Variants in RFFL observed in about 807,000 individuals in gnomAD.
The protein encoded by RFFL is E3 ubiquitin-protein ligase rififylin.
In RFFL, 16 loss-of-function variants were observed where a neutral mutation model predicts 40.4. The ratio of observed to expected loss-of-function variants is 0.40; its 90% CI spans 0.27 to 0.60. RFFL has a LOEUF of 0.60. Ranked by LOEUF, RFFL falls within the 20% of genes least tolerant of loss-of-function variation. RFFL has a pLI of 0.47. For missense variants in RFFL, 367 were observed against 451.7 expected (o/e 0.81, Z 1.70); for synonymous variants, 154 against 167.9 (o/e 0.92, Z 0.64).
chr17:35,029,502 C>G (rs976899932), intron 1 of RFFL, among the ~76,000 whole-genome samples: 2 of 148,732 alleles, frequency 1.3e-5, no homozygotes, highest in African/African-American at 5.0e-5. Flanking sequence ...TGTCATCATG[C>G]CCAGCTAATT....
At chr17:35,055,010 C>T (rs2091252199) in intron 1 of RFFL, among the ~76,000 whole-genome samples, 1 of 151,838 alleles carries the variant, frequency 6.6e-6, no homozygotes, top group South Asian at 2.1e-4. Context: ...CTCCACCTCC[C>T]GGGTTCACGC....
chr17:35,038,654 A>G (rs192986881), intron 1 of RFFL, among the ~76,000 whole-genome samples: 4 of 152,378 alleles, frequency 2.6e-5, no homozygotes, highest in Admixed American at 2.6e-4. Flanking sequence ...CAGGAGGCAT[A>G]AATGAATACA....
At position 35,010,911 on chromosome 17, in the gene RFFL, C is replaced by T. The variant is rs1349737636; in HGVS notation, c.*1057G>A. 6.6e-6 allele frequency: 1 copy of T among 152,214 alleles called. No individual in the cohort carries two copies. Among genetic ancestry groups the T allele is most frequent in the East Asian group, 1.9e-4 (1 of 5,200 alleles). The allele number at this position is 152,214 out of a possible 1,614,324, so 9.4% of individuals were successfully genotyped here. A position where few individuals can be genotyped will look rare whatever the true frequency, so the allele number is the denominator to read the frequency against. ...TCTCATTCAGTACCTCCTGAAAGCT[C>T]TTAAGTGCTCTGTCTTAACATTTGC... On this transcript the variant is annotated 3_prime_UTR_variant, in exon 7 of 7. Coordinates refer to ENST00000394597, the MANE Select transcript of RFFL (RefSeq NM_001017368.2).
At chr17:35,081,441 T>C (rs965570973) in intron 1 of RFFL, among the ~76,000 whole-genome samples, 1 of 152,232 alleles carries the variant, frequency 6.6e-6, no homozygotes, top group Non-Finnish European at 1.5e-5. Context: ...GATTTGGGAA[T>C]TGTTCATTCT....
chr17:35,046,263 T>C (rs1363058974), intron 1 of RFFL, among the ~76,000 whole-genome samples: 1 of 152,206 alleles, frequency 6.6e-6, no homozygotes, highest in Non-Finnish European at 1.5e-5. Context: ...GTCACTTCCA[T>C]CTCTTCCTAA....
chr17:35,030,460 T>G (rs888203621), intron 1 of RFFL, among the ~76,000 whole-genome samples: 6 of 151,930 alleles, frequency 3.9e-5, no homozygotes, highest in East Asian at 1.9e-4. Flanking sequence ...GAGCATTTTT[T>G]TGTGTGTGTT....
At chr17:35,061,991 G>A (rs545984868) in intron 1 of RFFL, among the ~76,000 whole-genome samples, 83 of 151,796 alleles carry the variant, frequency 5.5e-4, no homozygotes, top group Non-Finnish European at 9.4e-4. Flanking sequence ...GACTTTAAAC[G>A]TCCAGTTTTG....
chr17:35,081,147 A>T (rs1400849409), intron 1 of RFFL, among the ~76,000 whole-genome samples: 2 of 152,216 alleles, frequency 1.3e-5, no homozygotes, highest in African/African-American at 4.8e-5. Flanking sequence ...CAACCTAAAA[A>T]AAAAGTGGGG....
chr17:35,017,725 A>C, intron 3 of RFFL, 119 bp from the exon 4 acceptor site: 2 of 678,944 alleles, frequency 2.9e-6, no homozygotes, highest in Non-Finnish European at 5.2e-6. Context: ...AGAAATCCGG[A>C]GCCTCTTACA....
At chr17:35,024,845 G>T (rs1179340428) in intron 2 of RFFL, among the ~76,000 whole-genome samples, 1 of 152,160 alleles carries the variant, frequency 6.6e-6, no homozygotes, top group Admixed American at 6.5e-5. Context: ...AATTCTCATA[G>T]ATGAAAACAC....
intron 1 of RFFL, among the ~76,000 whole-genome samples, chr17:35,028,617 A>T (rs926369629): frequency 6.6e-6 from 1 of 152,082 alleles, no homozygotes; most frequent in Non-Finnish European, 1.5e-5. Context: ...TGAAACATTT[A>T]GTGTTATTAT....
At chr17:35,075,827 A>G (rs1010391259) in intron 1 of RFFL, among the ~76,000 whole-genome samples, 1 of 152,090 alleles carries the variant, frequency 6.6e-6, no homozygotes. Flanking sequence ...AAGAAATTGC[A>G]CACCCCTAAA....
chr17:35,020,718 G>A (rs1369393778), intron 3 of RFFL, among the ~76,000 whole-genome samples: 2 of 151,974 alleles, frequency 1.3e-5, no homozygotes, highest in African/African-American at 4.8e-5. Context: ...CTCTTCTGGG[G>A]GCTTTTTGAG....
At chr17:35,040,841 CTTTTTT>C (rs869061281) in intron 1 of RFFL, among the ~76,000 whole-genome samples, 16 of 62,416 alleles carry the variant, frequency 2.6e-4, no homozygotes, top group African/African-American at 8.4e-4. Context: ...GCTTTAATGT[CTTTTTT>C]TTTTTTTTTT....
intron 1 of RFFL, among the ~76,000 whole-genome samples, chr17:35,034,119 G>A (rs969342308): frequency 3.3e-5 from 5 of 150,398 alleles, no homozygotes; most frequent in African/African-American, 1.3e-4. Flanking sequence ...CTCCAGTCTG[G>A]GTGACAGAGC....
chr17:35,084,844 C>T (rs1295614256), intron 1 of RFFL, among the ~76,000 whole-genome samples: 1 of 149,858 alleles, frequency 6.7e-6, no homozygotes, highest in Admixed American at 6.6e-5. Flanking sequence ...TGCAGTGAAC[C>T]GAGATCCAGA....
chr17:35,057,606 A>G (rs1381219953), intron 1 of RFFL, among the ~76,000 whole-genome samples: 3 of 148,806 alleles, frequency 2.0e-5, no homozygotes, highest in South Asian at 4.3e-4. Flanking sequence ...AATCAATCTC[A>G]CCCTTCAGAT....
intron 1 of RFFL, among the ~76,000 whole-genome samples, chr17:35,042,686 G>A (rs1366308374): frequency 2.0e-5 from 3 of 151,762 alleles, no homozygotes; most frequent in Non-Finnish European, 2.9e-5. Context: ...TTAGCTGGGC[G>A]TAGTGGCATG....
intron 1 of RFFL, among the ~76,000 whole-genome samples, chr17:35,061,932 G>T (rs1269261432): frequency 6.6e-6 from 1 of 151,666 alleles, no homozygotes; most frequent in Non-Finnish European, 1.5e-5. Flanking sequence ...TGCCCACCTC[G>T]GCCTCCCAAA....
Sources: allele counts gnomAD v4.1 joint callset (sites outside exome capture counted in the v4.1 genomes callset), GRCh38; gene constraint gnomAD v4.1.1; transcripts MANE v1.5; gene names NCBI Gene and HGNC (gene_info 2026-07-23, HGNC 2026-07-21).